TMEM169: variants seen among roughly 807,000 people sequenced by gnomAD.
The protein encoded by TMEM169 is transmembrane protein 169.
In TMEM169, 18 loss-of-function variants were observed where a neutral mutation model predicts 27.3. The observed-to-expected ratio is 0.66, with a 90% CI of 0.46 to 0.98. The LOEUF (loss-of-function observed/expected upper bound fraction) is 0.98, where lower values mean the gene tolerates loss of function less well. Ranked by LOEUF, TMEM169 falls within the 50% of genes least tolerant of loss-of-function variation. TMEM169 has a pLI of 0.00. For missense variants in TMEM169, 320 were observed against 368.6 expected (o/e 0.87, Z 1.08); for synonymous variants, 136 against 142.1 (o/e 0.96, Z 0.30).
chr2:216,086,908 G>A (rs1209624827), intron 1 of TMEM169, among the ~76,000 whole-genome samples: 1 of 152,170 alleles, frequency 6.6e-6, no homozygotes, highest in Non-Finnish European at 1.5e-5. Flanking sequence ...AATAGAAGGA[G>A]GCAAAAGAAA....
At chr2:216,089,496 C>T (rs1279766147) in intron 1 of TMEM169, among the ~76,000 whole-genome samples, 1 of 152,178 alleles carries the variant, frequency 6.6e-6, no homozygotes, top group Non-Finnish European at 1.5e-5. Flanking sequence ...CTCACTCTCT[C>T]GCCCAGACTG....
intron 1 of TMEM169, among the ~76,000 whole-genome samples, chr2:216,090,251 T>C (rs763110381): frequency 2.6e-5 from 4 of 152,072 alleles, no homozygotes; most frequent in Non-Finnish European, 4.4e-5. Flanking sequence ...TAGAAGGAAG[T>C]TGGAGCTATT....
intron 1 of TMEM169, among the ~76,000 whole-genome samples, chr2:216,092,715 TCTC>T (rs1471917528): frequency 6.6e-6 from 1 of 152,174 alleles, no homozygotes; most frequent in East Asian, 1.9e-4. Context: ...GGTCCTTTAA[TCTC>T]CTCGGGGTCT....
Position 216,100,164 on chromosome 2 carries a change from C to T in TMEM169, c.516C>T (p.Phe172=). The change falls in exon 3 of 3, where the codon TTC becomes TTT. Residue 172 remains phenylalanine (F), a synonymous_variant. Transcript: ENST00000437356. ...LWTLICLPVV[F]ILSFVVSFYY... ...CGCTGATCTGCCTGCCTGTGGTTTT[C>T]ATCCTTTCTTTTGTTGTCTCTTTCT... 6.2e-7 allele frequency: 1 copy of T among 1,614,094 alleles called. No individual in the cohort carries two copies. Among genetic ancestry groups the T allele is most frequent in the East Asian group, 2.2e-5 (1 of 44,882 alleles).
intron 2 of TMEM169, 137 bp downstream of exon 2, chr2:216,096,371 T>A (rs941071909): frequency 9.2e-7 from 1 of 1,082,442 alleles, no homozygotes; most frequent in Admixed American, 2.8e-5. Flanking sequence ...CCACCTTTTA[T>A]TTATTTATTT....
intron 1 of TMEM169, among the ~76,000 whole-genome samples, chr2:216,090,794 T>C (rs778329971): frequency 6.6e-6 from 1 of 152,248 alleles, no homozygotes; most frequent in Non-Finnish European, 1.5e-5. Flanking sequence ...CTTGGGTAAT[T>C]TGTTACATCA....
chr2:216,083,367 T>C (rs1247367955), intron 1 of TMEM169, among the ~76,000 whole-genome samples: 1 of 152,228 alleles, frequency 6.6e-6, no homozygotes, highest in Non-Finnish European at 1.5e-5. Flanking sequence ...AAGGTGTTTT[T>C]TTTTAAGGAA....
In TMEM169 at chr2:216,089,965, A is replaced by G. The variant is rs114541036; in HGVS notation, c.-126-5873A>G. 7.1e-3 allele frequency among the ~76,000 whole-genome samples: 1,082 copies of G among 152,346 alleles called. 8 individuals carry two copies. Among genetic ancestry groups the G allele is most frequent in the African/African-American group, 0.025 (1,036 of 41,586 alleles). ...CTTACAGCCTGACACATAAGGCTCA[A>G]TAAATGCTAATTTCCTGGCCTATTT... On this transcript the variant is annotated intron_variant, in intron 1 of 2. Coordinates refer to ENST00000437356, the MANE Select transcript of TMEM169 (RefSeq NM_001142311.2).
Position 216,099,901 on chromosome 2 carries a change from C to A in TMEM169, c.272-19C>A. On this transcript the variant is annotated intron_variant, in intron 2 of 2. Coordinates refer to ENST00000437356, the MANE Select transcript of TMEM169 (RefSeq NM_001142311.2). The surrounding 1 kb of genome is among the most constrained non-coding windows in gnomAD (Gnocchi z 5.0). ...CCCACTCTTCTGATCTTGACTCTCA[C>A]CTCCTTTGTACCCTGCAGATATGTG... 2 of 1,594,606 alleles carry A rather than the reference C, an allele frequency of 1.3e-6. No homozygotes were observed. Among genetic ancestry groups the A allele is most frequent in the Non-Finnish European group, 1.7e-6 (2 of 1,172,054 alleles).
rs1696343393 is a variant in TMEM169 at position 216,099,798 on chromosome 2, G to A, written c.272-122G>A. The A allele has an allele frequency of 7.5e-7, 1 of 1,333,194 alleles. No individual in the cohort carries two copies. The allele number at this position is 1,333,194 out of a possible 1,614,324, so 82.6% of individuals were successfully genotyped here. A position where few individuals can be genotyped will look rare whatever the true frequency, so the allele number is the denominator to read the frequency against. On this transcript the variant is annotated intron_variant, in intron 2 of 2. Transcript: ENST00000437356. This position sits in a 1 kb window ranked among gnomAD's most constrained non-coding sequence, Gnocchi z 5.0. Reference sequence around the variant, plus strand: ...GTCCGCCATTGAATCACTGACTCAGGACTGTGCCAGATGGTGTAAAAAAGG... The same window carrying A: ...GTCCGCCATTGAATCACTGACTCAGAACTGTGCCAGATGGTGTAAAAAAGG...
In TMEM169 at chr2:216,091,688, T is replaced by A. The variant is rs147713511; in HGVS notation, c.-126-4150T>A. Among the ~76,000 whole-genome samples the A allele has an allele frequency of 2.2e-3, 341 of 152,236 alleles. 3 individuals are homozygous for A. Among genetic ancestry groups the A allele is most frequent in the African/African-American group, 7.7e-3 (319 of 41,530 alleles). On this transcript the variant is annotated intron_variant, in intron 1 of 2. Transcript: ENST00000437356. The stretch of plus-strand genomic sequence containing the variant: ...TCCTACCAAACCCCTAAACTTGATC[T>A]TGGATTTTTTGCTCCCAGAACTGTA...
intron 2 of TMEM169, among the ~76,000 whole-genome samples, chr2:216,098,839 C>T (rs1039130265): frequency 1.4e-5 from 2 of 142,754 alleles, no homozygotes; most frequent in African/African-American, 2.6e-5. Flanking sequence ...TGTGGATAGG[C>T]GTGGGTGGTA....
intron 1 of TMEM169, among the ~76,000 whole-genome samples, chr2:216,087,890 G>T (rs1039075132): frequency 6.6e-6 from 1 of 152,166 alleles, no homozygotes; most frequent in African/African-American, 2.4e-5. Context: ...CTGGTATGGT[G>T]GCTCACACCT....
At chr2:216,082,873 G>A (rs2105976506) in intron 1 of TMEM169, 1 of 152,240 alleles carries the variant, frequency 6.6e-6, no homozygotes, top group Non-Finnish European at 1.5e-5. Flanking sequence ...ATTTTCCCCG[G>A]ACAGGTATTA....
chr2:216,100,010 A>G lies in TMEM169; in HGVS notation c.362A>G (p.His121Arg). The G allele has an allele frequency of 2.5e-6, 4 of 1,614,190 alleles. No homozygotes were observed. The highest frequency in any genetic ancestry group is 3.4e-6 in the Non-Finnish European group (4 of 1,180,034). ...AAAAAGGGTCAGATGGTGGACATCCATGTCACATTGACAGAGAAAGAGCTG... is the reference window on the plus strand; with the variant it reads ...AAAAAGGGTCAGATGGTGGACATCCGTGTCACATTGACAGAGAAAGAGCTG... ...GKKKGQMVDIHVTLTEKELQE... is the reference protein window; with the variant it reads ...GKKKGQMVDIRVTLTEKELQE... The change falls in exon 3 of 3, where the codon CAT (histidine) becomes CGT (arginine). Residue 121 changes from histidine to arginine, a missense_variant. Transcript: ENST00000437356.
intron 1 of TMEM169, among the ~76,000 whole-genome samples, chr2:216,093,841 A>T (rs905368697): frequency 6.6e-6 from 1 of 152,324 alleles, no homozygotes; most frequent in Middle Eastern, 3.4e-3. Context: ...GAGATATGCT[A>T]TACAGTACTT....
In TMEM169 at chr2:216,085,256, C is replaced by T. The variant is rs193152326; in HGVS notation, c.-127+3277C>T. Among the ~76,000 whole-genome samples the T allele has an allele frequency of 5.9e-5, 9 of 151,840 alleles. No individual in the cohort carries two copies. In the East Asian group the frequency reaches 1.8e-3, roughly 30 times the overall value. ...TGAAACCCCATCTCTACTAAAAATA[C>T]AAAAATTAGCCGGGTGTGGTGGCAC... On this transcript the variant is annotated intron_variant, in intron 1 of 2. Transcript: ENST00000437356.
rs1696401276 is a variant in TMEM169 at position 216,101,742 on chromosome 2, C to G, written c.*1200C>G. The G allele has an allele frequency of 6.6e-6, 1 of 152,162 alleles. No homozygotes were observed. The highest frequency in any genetic ancestry group is 6.6e-5 in the Admixed American group (1 of 15,264). 9.4% of individuals were successfully genotyped at this position (152,162 alleles called of 1,614,324 possible). A position where few individuals can be genotyped will look rare whatever the true frequency, so the allele number is the denominator to read the frequency against. ...AGGTGATCCGCCTGCCTCGGCCTCCCAAAATGCTGGGATTGTAGGCAAGAA... is the reference window on the plus strand; with the variant it reads ...AGGTGATCCGCCTGCCTCGGCCTCCGAAAATGCTGGGATTGTAGGCAAGAA... On this transcript the variant is annotated 3_prime_UTR_variant, in exon 3 of 3. Coordinates refer to ENST00000437356, the MANE Select transcript of TMEM169 (RefSeq NM_001142311.2).
chr2:216,090,749 G>A (rs1360536902), intron 1 of TMEM169, among the ~76,000 whole-genome samples: 2 of 152,194 alleles, frequency 1.3e-5, no homozygotes, highest in African/African-American at 4.8e-5. Context: ...AATTGTGTGA[G>A]ATAATAACTT....
Sources: gnomAD v4.1 joint callset for allele counts (sites outside exome capture counted in the v4.1 genomes callset) on GRCh38, gnomAD v4.1.1 for gene constraint, Gnocchi (gnomAD v3.1) non-coding constraint, MANE v1.5 for transcripts, NCBI Gene and HGNC (gene_info 2026-07-23, HGNC 2026-07-21) for gene names.